Variants in OBI1 observed in about 807,000 individuals in gnomAD.
OBI1 encodes ORC ubiquitin ligase 1.
A neutral mutation model predicts 62.4 loss-of-function variants in OBI1; 59 were observed. The ratio of observed to expected loss-of-function variants is 0.95; its 90% CI spans 0.77 to 1.17. The LOEUF (loss-of-function observed/expected upper bound fraction) is 1.17. Ranked by LOEUF, OBI1 falls within the 50% of genes most tolerant of loss-of-function variation. OBI1 has a pLI of 0.00. For synonymous variants in OBI1, 302 were observed against 292.8 expected (o/e 1.03, Z -0.32); for missense variants, 875 against 830.9 (o/e 1.05, Z -0.65).
At chr13:78,618,403 A>C (rs1322210708) in intron 5 of OBI1, among the ~76,000 whole-genome samples, 2 of 151,746 alleles carry the variant, frequency 1.3e-5, no homozygotes, top group Non-Finnish European at 2.9e-5. Context: ...GAAAAAAAAA[A>C]CTACAAAAAA....
At chr13:78,636,945 T>C (rs1593794073) in intron 4 of OBI1, among the ~76,000 whole-genome samples, 2 of 152,202 alleles carry the variant, frequency 1.3e-5, no homozygotes, top group East Asian at 1.9e-4. Flanking sequence ...ATACTTCTCA[T>C]TATAGGCTGG....
Position 78,642,135 on chromosome 13 carries a change from T to G in OBI1, c.287A>C (p.His96Pro), listed in dbSNP as rs772991761. 6.3e-7 allele frequency: 1 copy of G among 1,590,478 alleles called. No homozygotes were observed. The change falls in exon 3 of 6, where the codon CAC becomes CCC. Residue 96 changes from histidine (H) to proline (P), a missense_variant. By Grantham distance (77) the His-to-Pro change is moderately conservative. Coordinates refer to ENST00000282003, the MANE Select transcript of OBI1 (RefSeq NM_024546.4). ...HLRKTRLELL[H>P]KEYEDEIDCL... Reference sequence around the variant, plus strand: ...ATTACTGTTTACCTCATATTCTTTGTGTAGTAATTCAAGTCTAGTTTTCCG... The same window carrying G: ...ATTACTGTTTACCTCATATTCTTTGGGTAGTAATTCAAGTCTAGTTTTCCG...
Position 78,617,063 on chromosome 13 carries a change from GT to G in OBI1, c.697del (p.Thr233ProfsTer15). 1 of 1,610,900 alleles carries G rather than the reference GT, an allele frequency of 6.2e-7. No homozygotes were observed. Among genetic ancestry groups the G allele is most frequent in the Non-Finnish European group, 8.5e-7 (1 of 1,178,704 alleles). On this transcript the variant is annotated frameshift_variant, in exon 6 of 6. Transcript: ENST00000282003. LOFTEE classifies it high-confidence loss of function. ...QSKVEQYERETNRLKKALERS... is the reference protein window; with the variant it reads ...QSKVEQYEREXNRLKKALERS... ...TTCCAGGGCTTTCTTGAGGCGATTGGTTTCACGCTCATACTGTTCTACTTTG... is the reference window on the plus strand; with the variant it reads ...TTCCAGGGCTTTCTTGAGGCGATTGGTTCACGCTCATACTGTTCTACTTTG...
At chr13:78,633,456 C>T (rs181171540) in intron 5 of OBI1, among the ~76,000 whole-genome samples, 2 of 152,220 alleles carry the variant, frequency 1.3e-5, no homozygotes, top group East Asian at 3.9e-4. Flanking sequence ...AGAGCTATTT[C>T]TGGTAGGATA....
At chr13:78,626,093 C>A (rs577597943) in intron 5 of OBI1, among the ~76,000 whole-genome samples, 1 of 152,268 alleles carries the variant, frequency 6.6e-6, no homozygotes, top group Non-Finnish European at 1.5e-5. Context: ...TAAATAGATG[C>A]GGACAAGAAA....
intron 5 of OBI1, among the ~76,000 whole-genome samples, chr13:78,620,837 G>T (rs1875486065): frequency 6.6e-6 from 1 of 152,166 alleles, no homozygotes. Context: ...AACAAATGTG[G>T]TAAAAGAATA....
chr13:78,658,403 T>C (rs574503262), intron 1 of OBI1, among the ~76,000 whole-genome samples: 2 of 152,306 alleles, frequency 1.3e-5, no homozygotes, highest in African/African-American at 2.4e-5. Context: ...AGGCACCTCT[T>C]GCATCACAAA....
At chr13:78,618,497 C>T (rs1355513332) in intron 5 of OBI1, among the ~76,000 whole-genome samples, 1 of 152,052 alleles carries the variant, frequency 6.6e-6, no homozygotes, top group African/African-American at 2.4e-5. Context: ...ACCTCCTAAA[C>T]CACTAGCCCA....
chr13:78,638,806 T>C lies in OBI1; in HGVS notation c.549+17A>G, dbSNP rs1732242749. 3 of 1,592,038 alleles carry C rather than the reference T, an allele frequency of 1.9e-6. No individual in the cohort carries two copies. The highest frequency in any genetic ancestry group is 2.6e-6 in the Non-Finnish European group (3 of 1,172,130). On this transcript the variant is annotated intron_variant, in intron 4 of 5. Transcript: ENST00000282003. Reference sequence around the variant, plus strand: ...TTTAAAAACAACCATAATAGATTTTTAAAAACCACAACTTACCTCCTTTAG... The same window carrying C: ...TTTAAAAACAACCATAATAGATTTTCAAAAACCACAACTTACCTCCTTTAG...
intron 1 of OBI1, among the ~76,000 whole-genome samples, chr13:78,658,605 C>T (rs1379787007): frequency 6.6e-6 from 1 of 152,178 alleles, no homozygotes; most frequent in Non-Finnish European, 1.5e-5. Flanking sequence ...ACCGTAGGCC[C>T]CAGAGGATGA....
chr13:78,615,140 G>A lies in OBI1; in HGVS notation c.*440C>T, dbSNP rs1875213414. 1 of 156,762 alleles carries A rather than the reference G, an allele frequency of 6.4e-6. No homozygotes were observed. Among genetic ancestry groups the A allele is most frequent in the African/African-American group, 2.4e-5 (1 of 41,424 alleles). The allele number at this position is 156,762 out of a possible 1,614,324, so 9.7% of individuals were successfully genotyped here. ...AAACTCAAGTGTCTTATTGAGCAGTGTATAGACAACACTAAAAGTTTTATT... is the reference window on the plus strand; with the variant it reads ...AAACTCAAGTGTCTTATTGAGCAGTATATAGACAACACTAAAAGTTTTATT... On this transcript the variant is annotated 3_prime_UTR_variant, in exon 6 of 6. Transcript: ENST00000282003.
intron 5 of OBI1, among the ~76,000 whole-genome samples, chr13:78,634,511 G>A (rs1875962542): frequency 6.6e-6 from 1 of 152,036 alleles, no homozygotes; most frequent in Non-Finnish European, 1.5e-5. Context: ...TGCCCAGGCT[G>A]GTCTCGAACT....
At chr13:78,619,315 C>T (rs1173590619) in intron 5 of OBI1, among the ~76,000 whole-genome samples, 2 of 121,414 alleles carry the variant, frequency 1.6e-5, no homozygotes, top group Admixed American at 7.4e-5. Flanking sequence ...GTATTTGCCT[C>T]TCTCTCTCTA....
chr13:78,621,405 C>G (rs1405303297), intron 5 of OBI1, among the ~76,000 whole-genome samples: 1 of 152,174 alleles, frequency 6.6e-6, no homozygotes, highest in South Asian at 2.1e-4. Context: ...CAAGGTCAGT[C>G]AGTGATTAGT....
In OBI1 at chr13:78,615,852, T is replaced by G. The variant is rs200280997; in HGVS notation, c.1909A>C (p.Asn637His). 2 of 1,614,176 alleles carry G rather than the reference T, an allele frequency of 1.2e-6. No homozygotes were observed. The highest frequency in any genetic ancestry group is 1.7e-6 in the Non-Finnish European group (2 of 1,180,018). ...AAGCAGCTTGGGGGTTTGATTTCAT[T>G]AGTTACTGGACAAGAACTGGAATGG... ...SLHSSSCPVT[N>H]EIKPPSCLFQ... Residue 637 changes from asparagine (N) to histidine (H), a missense_variant, in exon 6 of 6, where the codon AAT becomes CAT. Asn to His is a moderately conservative substitution (Grantham distance 68, BLOSUM62 1). Coordinates refer to ENST00000282003, the MANE Select transcript of OBI1 (RefSeq NM_024546.4).
intron 4 of OBI1, among the ~76,000 whole-genome samples, chr13:78,635,702 GT>G (rs1776216451): frequency 6.6e-6 from 1 of 151,994 alleles, no homozygotes; most frequent in Non-Finnish European, 1.5e-5. Context: ...CTTTTCCAAC[GT>G]TCTGGCTCAC....
intron 1 of OBI1, among the ~76,000 whole-genome samples, chr13:78,657,436 T>C (rs771360525): frequency 8.2e-5 from 12 of 146,738 alleles, no homozygotes; most frequent in East Asian, 2.1e-4. Context: ...AATGATAGTA[T>C]AGAGGTTCAA....
At chr13:78,627,974 G>A (rs1169893711) in intron 5 of OBI1, among the ~76,000 whole-genome samples, 1 of 152,174 alleles carries the variant, frequency 6.6e-6, no homozygotes, top group East Asian at 1.9e-4. Flanking sequence ...AAATGAAGGG[G>A]ATAGGCAGCA....
rs184117575 is a variant in OBI1, at chr13:78,646,627, G to C, written c.73-1630C>G. 2.5e-3 allele frequency among the ~76,000 whole-genome samples: 385 copies of C among 151,832 alleles called. 3 individuals carry two copies. Among genetic ancestry groups the C allele is most frequent in the African/African-American group, 8.3e-3 (345 of 41,404 alleles). ...CTAGGAACTGGAAGACTAGGTCAAGGGAAAGCAGAGTAAGTAGAGGGAGAA... is the reference window on the plus strand; with the variant it reads ...CTAGGAACTGGAAGACTAGGTCAAGCGAAAGCAGAGTAAGTAGAGGGAGAA... On this transcript the variant is annotated intron_variant, in intron 1 of 5. Transcript: ENST00000282003.
Sources: gnomAD v4.1 joint callset for allele counts (sites outside exome capture counted in the v4.1 genomes callset) on GRCh38, gnomAD v4.1.1 for gene constraint, MANE v1.5 for transcripts, NCBI Gene and HGNC (gene_info 2026-07-23, HGNC 2026-07-21) for gene names.